SCAPER: variants seen among roughly 807,000 people sequenced by gnomAD.
SCAPER encodes the protein S-phase cyclin A associated protein in the ER, also known as S phase cyclin A-associated protein in the endoplasmic reticulum.
A neutral mutation model predicts 182.2 loss-of-function variants in SCAPER; 98 were observed. The ratio of observed to expected loss-of-function variants is 0.54; its 90% confidence interval spans 0.46 to 0.64. The LOEUF (loss-of-function observed/expected upper bound fraction) is 0.64. Among genes scored for constraint, SCAPER ranks in the 30% least tolerant of loss-of-function variants. The pLI is 0.00. For missense variants in SCAPER, 1,432 were observed against 1,690.0 expected, an observed-to-expected ratio of 0.85 and a Z score of 2.68; for synonymous variants, 605 against 564.6, an observed-to-expected ratio of 1.07 and a Z score of -1.01.
chr15:76,507,486 C>A (rs2041682664), intron 23 of SCAPER, among the ~76,000 whole-genome samples: 1 of 152,138 alleles, frequency 6.6e-6, no homozygotes, highest in Non-Finnish European at 1.5e-5. Context: ...TAATAGCATT[C>A]CACAGCCTTG....
At chr15:76,527,815 C>A (rs1319644374) in intron 23 of SCAPER, among the ~76,000 whole-genome samples, 1 of 152,134 alleles carries the variant, frequency 6.6e-6, no homozygotes, top group African/African-American at 2.4e-5. Context: ...CCTATGTCCT[C>A]TTCTGTTTAA....
chr15:76,675,664 C>T (rs943299387), intron 20 of SCAPER, among the ~76,000 whole-genome samples: 2 of 152,172 alleles, frequency 1.3e-5, no homozygotes, highest in Non-Finnish European at 2.9e-5. Context: ...GCCAAATCTG[C>T]CATGATACGA....
intron 9 of SCAPER, among the ~76,000 whole-genome samples, chr15:76,773,262 A>G (rs1225995877): frequency 2.0e-5 from 3 of 151,920 alleles, no homozygotes; most frequent in African/African-American, 7.2e-5. Context: ...AAGAAAACAA[A>G]TATCATTAAC....
At chr15:76,809,322 G>A (rs988670027) in intron 5 of SCAPER, among the ~76,000 whole-genome samples, 1 of 152,134 alleles carries the variant, frequency 6.6e-6, no homozygotes, top group African/African-American at 2.4e-5. Flanking sequence ...TTATCACATA[G>A]AGAATTCAAA....
At position 76,766,080 on chromosome 15, in the gene SCAPER, C is replaced by T. The variant is rs952095111; in HGVS notation, c.1420-442G>A. Among the ~76,000 whole-genome samples, 19 of 148,490 alleles carry T rather than the reference C, an allele frequency of 1.3e-4. No homozygotes were observed. In the South Asian group the frequency reaches 1.3e-3, roughly 10 times the overall value. On this transcript the variant is annotated intron_variant, in intron 11 of 31. Transcript: ENST00000563290. ...AACAGAAGGTAGTGTATCATTTGCT[C>T]ATTTATTTATTTATTTATTTATTTA...
intron 2 of SCAPER, among the ~76,000 whole-genome samples, chr15:76,876,527 C>T (rs1362293117): frequency 6.6e-6 from 1 of 151,332 alleles, no homozygotes; most frequent in African/African-American, 2.4e-5. Flanking sequence ...TATGAGAACA[C>T]CACCAAGTTG....
intron 25 of SCAPER, among the ~76,000 whole-genome samples, chr15:76,464,005 G>GTAT (rs1305775667): frequency 3.3e-5 from 1 of 30,176 alleles, no homozygotes; most frequent in African/African-American, 1.1e-4. Context: ...ACTTTCACTG[G>GTAT]TCTTTTTTTT....
At chr15:76,403,885 T>C (rs1403733120) in intron 27 of SCAPER, among the ~76,000 whole-genome samples, 3 of 152,078 alleles carry the variant, frequency 2.0e-5, no homozygotes, top group East Asian at 1.9e-4. Flanking sequence ...TAGAGAATTA[T>C]TGTTTTTGAG....
At chr15:76,647,319 T>C (rs1019582946) in intron 21 of SCAPER, among the ~76,000 whole-genome samples, 43 of 152,232 alleles carry the variant, frequency 2.8e-4, no homozygotes, top group African/African-American at 9.9e-4. Context: ...CCAGCCATGA[T>C]TGAGTAACTA....
At chr15:76,473,743 G>A (rs1053035968) in intron 24 of SCAPER, among the ~76,000 whole-genome samples, 13 of 152,042 alleles carry the variant, frequency 8.6e-5, no homozygotes, top group African/African-American at 1.5e-4. Context: ...CACTGCTCTC[G>A]GATAGGGGTT....
At chr15:76,738,442 T>C (rs1226200318) in intron 15 of SCAPER, among the ~76,000 whole-genome samples, 1 of 151,932 alleles carries the variant, frequency 6.6e-6, no homozygotes, top group East Asian at 1.9e-4. Flanking sequence ...ACTTGAAGAC[T>C]TAGAGGCCAC....
intron 26 of SCAPER, among the ~76,000 whole-genome samples, chr15:76,416,958 T>C (rs1219131389): frequency 6.6e-6 from 1 of 152,042 alleles, no homozygotes; most frequent in Non-Finnish European, 1.5e-5. Flanking sequence ...TCCCAGCTAC[T>C]CTGGAGGTTG....
At chr15:76,429,055 GA>G (rs2046672400) in intron 26 of SCAPER, among the ~76,000 whole-genome samples, 1 of 151,482 alleles carries the variant, frequency 6.6e-6, no homozygotes, top group Non-Finnish European at 1.5e-5. Flanking sequence ...TCATGATAGA[GA>G]ATAAGTCTCA....
At chr15:76,392,473 C>T (rs1056867325) in intron 27 of SCAPER, among the ~76,000 whole-genome samples, 6 of 152,170 alleles carry the variant, frequency 3.9e-5, no homozygotes, top group South Asian at 2.1e-4. Context: ...TGGTGGCTCA[C>T]GCCTGCAATC....
intron 23 of SCAPER, among the ~76,000 whole-genome samples, chr15:76,552,083 C>A (rs1177675863): frequency 2.6e-5 from 4 of 151,932 alleles, no homozygotes; most frequent in Admixed American, 6.6e-5. Flanking sequence ...CCCAGGAGTT[C>A]AGGACCAGCC....
At chr15:76,588,176 C>A (rs952948545) in intron 22 of SCAPER, among the ~76,000 whole-genome samples, 1 of 152,210 alleles carries the variant, frequency 6.6e-6, no homozygotes, top group Admixed American at 6.5e-5. Context: ...CCTGCCTCAG[C>A]CTCCCAAAGT....
At chr15:76,631,059 CTTTT>C (rs1567648665) in intron 21 of SCAPER, among the ~76,000 whole-genome samples, 1 of 152,042 alleles carries the variant, frequency 6.6e-6, no homozygotes, top group African/African-American at 2.4e-5. Flanking sequence ...ATGCCCTTGT[CTTTT>C]TTTATTTTTA....
intron 23 of SCAPER, among the ~76,000 whole-genome samples, chr15:76,550,916 A>G (rs1439420295): frequency 6.6e-6 from 1 of 152,166 alleles, no homozygotes; most frequent in Non-Finnish European, 1.5e-5. Flanking sequence ...ACATTTCTCA[A>G]AAGATGACGT....
intron 24 of SCAPER, among the ~76,000 whole-genome samples, chr15:76,488,714 CTTTTTTTTTTTTTTTTTT>C (rs71143333): frequency 1.1e-5 from 1 of 93,144 alleles, no homozygotes; most frequent in Non-Finnish European, 2.0e-5. Flanking sequence ...AGTACACTGC[CTTTTTTTTTTTTTTTTTT>C]TTTTTTTTTT....
Sources: gnomAD v4.1 joint callset for allele counts (sites outside exome capture counted in the v4.1 genomes callset) on GRCh38, gnomAD v4.1.1 for gene constraint, MANE v1.5 for transcripts, NCBI Gene and HGNC (gene_info 2026-07-23, HGNC 2026-07-21) for gene names.